The following EEA1 variants were observed in gnomAD, a reference collection of about 807,000 sequenced individuals.
EEA1 encodes the protein early endosome antigen 1, 162kD.
A neutral mutation model predicts 209.2 loss-of-function variants in EEA1; 111 were observed. That is an observed-to-expected ratio of 0.53 (90% CI 0.45 to 0.62). The LOEUF (loss-of-function observed/expected upper bound fraction) is 0.62. Among genes scored for constraint, EEA1 ranks in the 20% least tolerant of loss-of-function variants. The probability of loss-of-function intolerance (pLI) is 0.00; values close to 1 mark genes in which losing one functional copy is unlikely to be tolerated. For missense variants in EEA1, 1,343 were observed against 1,530.8 expected (o/e 0.88, Z 2.05); for synonymous variants, 536 against 540.6 (o/e 0.99, Z 0.12).
intron 2 of EEA1, among the ~76,000 whole-genome samples, chr12:92,872,048 T>A (rs1025570936): frequency 8.5e-5 from 4 of 47,252 alleles, no homozygotes; most frequent in African/African-American, 1.1e-4. Context: ...GCCCAGCTAA[T>A]TTTTTTTTTT....
intron 3 of EEA1, chr12:92,859,368 T>G: frequency 1.3e-6 from 1 of 769,294 alleles, no homozygotes; most frequent in East Asian, 2.7e-5. Context: ...TAAATTTTCC[T>G]GTCCTGTTTC....
intron 10 of EEA1, among the ~76,000 whole-genome samples, chr12:92,840,589 G>C (rs1877125340): frequency 6.6e-6 from 1 of 152,232 alleles, no homozygotes; most frequent in African/African-American, 2.4e-5. Flanking sequence ...TGGGATTACA[G>C]GCGTGAGCCA....
intron 17 of EEA1, among the ~76,000 whole-genome samples, chr12:92,810,472 G>A (rs1875435757): frequency 6.6e-6 from 1 of 151,898 alleles, no homozygotes; most frequent in Non-Finnish European, 1.5e-5. Context: ...AAAGAAAAAG[G>A]AACCTATAAA....
chr12:92,879,265 C>T (rs1879038239), intron 2 of EEA1: 1 of 408,880 alleles, frequency 2.4e-6, no homozygotes, highest in Admixed American at 2.9e-5. Context: ...CATCCTAATC[C>T]AAAAAAATCC....
intron 2 of EEA1, among the ~76,000 whole-genome samples, chr12:92,867,448 G>A (rs1032475495): frequency 2.6e-5 from 4 of 151,842 alleles, no homozygotes; most frequent in Admixed American, 6.6e-5. Context: ...GAACATGGCA[G>A]TGCAAAAATT....
chr12:92,928,395 G>C (rs1314412994), intron 1 of EEA1, among the ~76,000 whole-genome samples: 1 of 152,142 alleles, frequency 6.6e-6, no homozygotes, highest in African/African-American at 2.4e-5. Context: ...GCTAAAATAA[G>C]GTAGTGGGGC....
intron 17 of EEA1, among the ~76,000 whole-genome samples, chr12:92,810,905 G>T (rs1875462969): frequency 6.6e-6 from 1 of 152,048 alleles, no homozygotes; most frequent in East Asian, 1.9e-4. Context: ...TATCTGAAAT[G>T]TGATATTGGA....
Position 92,883,826 on chromosome 12 carries a change from T to C in EEA1, c.117+7803A>G, listed in dbSNP as rs534332997. The stretch of plus-strand genomic sequence containing the variant: ...CCCGAACAGCTGAGGAAGCTCTTCA[T>C]TGGAGGGTTGAGCTTTAAAACAACC... On this transcript the variant is annotated intron_variant, in intron 2 of 28. Coordinates refer to ENST00000322349, the MANE Select transcript of EEA1 (RefSeq NM_003566.4). 1.7e-4 allele frequency: 276 copies of C among 1,597,416 alleles called. 3 individuals are homozygous for C. The South Asian group carries it at 2.8e-3, about 16-fold the overall frequency.
rs144706032 is a variant in EEA1, at chr12:92,878,923, G to A, written c.117+12706C>T. ...ACTCAAAAAGAAACAGAGAATCTGA[G>A]TAATAATCAATACACTTCCCAAAAA... On this transcript the variant is annotated intron_variant, in intron 2 of 28. Transcript: ENST00000322349. Among the ~76,000 whole-genome samples, 199 of 152,262 alleles carry A rather than the reference G, an allele frequency of 1.3e-3. 1 individual carries two copies. Among genetic ancestry groups the A allele is most frequent in the Admixed American group, 2.6e-3 (39 of 15,276 alleles).
chr12:92,885,857 A>G (rs990506645), intron 2 of EEA1, among the ~76,000 whole-genome samples: 5 of 152,334 alleles, frequency 3.3e-5, no homozygotes, highest in South Asian at 2.1e-4. Context: ...CTGTAATAAC[A>G]TATATGTAAT....
intron 10 of EEA1, among the ~76,000 whole-genome samples, chr12:92,836,030 C>T (rs2136696753): frequency 6.6e-6 from 1 of 152,150 alleles, no homozygotes; most frequent in Middle Eastern, 3.4e-3. Context: ...ACTTTTTAAA[C>T]TATAGTGAAA....
At chr12:92,850,799 A>T (rs1026080515) in intron 9 of EEA1, among the ~76,000 whole-genome samples, 3 of 151,684 alleles carry the variant, frequency 2.0e-5, no homozygotes, top group African/African-American at 7.3e-5. Context: ...AAATGCTATC[A>T]TTCTTCCTTT....
At position 92,884,094 on chromosome 12, in the gene EEA1, A is replaced by T. The variant is rs1555206701; in HGVS notation, c.117+7535T>A. 5.7e-6 allele frequency: 7 copies of T among 1,228,336 alleles called. No individual in the cohort carries two copies. The South Asian group carries it at 8.4e-5, about 15-fold the overall frequency. The allele number at this position is 1,228,336 out of a possible 1,614,324, so 76.1% of individuals were successfully genotyped here. A position where few individuals can be genotyped will look rare whatever the true frequency, so the allele number is the denominator to read the frequency against. Reference sequence around the variant, plus strand: ...GTGCCCACTTAACTATGAAAAAGATATTTGTTGGTGGCATTAAACAATGAA... The same window carrying T: ...GTGCCCACTTAACTATGAAAAAGATTTTTGTTGGTGGCATTAAACAATGAA... On this transcript the variant is annotated intron_variant, in intron 2 of 28. Transcript: ENST00000322349.
Position 92,841,064 on chromosome 12 carries a change from T to C in EEA1, c.915+1401A>G, listed in dbSNP as rs534584003. 4.6e-5 allele frequency among the ~76,000 whole-genome samples: 7 copies of C among 152,324 alleles called. No homozygotes were observed. The South Asian group carries it at 1.4e-3, about 32-fold the overall frequency. On this transcript the variant is annotated intron_variant, in intron 10 of 28. Transcript: ENST00000322349. ...GACACCAAATCTGCTAGTGCCTTGATTTTGAACTTCTCAGCCTCCAAAATA... is the reference window on the plus strand; with the variant it reads ...GACACCAAATCTGCTAGTGCCTTGACTTTGAACTTCTCAGCCTCCAAAATA...
rs141494166 is a variant in EEA1, at chr12:92,849,287, T to C, written c.798+1824A>G. Among the ~76,000 whole-genome samples the C allele has an allele frequency of 1.1e-3, 168 of 152,252 alleles. 1 individual carries two copies. Among genetic ancestry groups the C allele is most frequent in the African/African-American group, 3.9e-3 (163 of 41,554 alleles). Reference sequence around the variant, plus strand: ...TTTTTTTTAATTTGAGAAATACCAATAGGCAGACATATCTAAACAAAAATA... The same window carrying C: ...TTTTTTTTAATTTGAGAAATACCAACAGGCAGACATATCTAAACAAAAATA... On this transcript the variant is annotated intron_variant, in intron 9 of 28. Coordinates refer to ENST00000322349, the MANE Select transcript of EEA1 (RefSeq NM_003566.4).
chr12:92,814,784 T>C (rs956529949), intron 15 of EEA1, among the ~76,000 whole-genome samples: 1 of 152,224 alleles, frequency 6.6e-6, no homozygotes, highest in East Asian at 1.9e-4. Context: ...ACCTTGATGC[T>C]GTCCTGATCA....
chr12:92,798,895 C>A lies in EEA1; in HGVS notation c.2964G>T (p.Gln988His). 1 of 1,584,280 alleles carries A rather than the reference C, an allele frequency of 6.3e-7. No individual in the cohort carries two copies. The highest frequency in any genetic ancestry group is 1.9e-5 in the Admixed American group (1 of 52,698). The change falls in exon 21 of 29, where the codon CAG becomes CAT. Residue 988 changes from glutamine to histidine, a missense_variant. Gln to His is a conservative substitution (Grantham distance 24, BLOSUM62 0). This residue lies in a region of EEA1 where 1,307 missense variants were observed against 1,465.5 expected (regional missense o/e 0.89). Transcript: ENST00000322349. ...LQGELKIAVLQKTELENKLQQ... is the reference protein window; with the variant it reads ...LQGELKIAVLHKTELENKLQQ... ...AAGTAAACAAATATATCACTACCTT[C>A]TGTAAAACAGCAATTTTAAGCTCTC...
At chr12:92,861,737 A>G (rs1210443133) in intron 3 of EEA1, among the ~76,000 whole-genome samples, 3 of 151,828 alleles carry the variant, frequency 2.0e-5, no homozygotes, top group African/African-American at 7.2e-5. Flanking sequence ...TAGAATTGCT[A>G]TCTTTTATAT....
rs770847798 is a variant in EEA1, at chr12:92,772,756, A to C, written c.*3255T>G. On this transcript the variant is annotated 3_prime_UTR_variant, in exon 29 of 29. Coordinates refer to ENST00000322349, the MANE Select transcript of EEA1 (RefSeq NM_003566.4). ...GTAGTAAACACAATACAAATAATGA[A>C]CCCAAAAACTAAATGAGAAAATGTT... 9.2e-5 allele frequency: 14 copies of C among 152,210 alleles called. No homozygotes were observed. The highest frequency in any genetic ancestry group is 1.8e-4 in the Non-Finnish European group (12 of 67,750). 9.4% of individuals were successfully genotyped at this position (152,210 alleles called of 1,614,324 possible).
Sources: allele counts gnomAD v4.1 joint callset (sites outside exome capture counted in the v4.1 genomes callset), GRCh38; gene constraint gnomAD v4.1.1; regional missense constraint gnomAD v4.1.1; transcripts MANE v1.5; gene names NCBI Gene and HGNC (gene_info 2026-07-23, HGNC 2026-07-21).